Variants in DLEU7 observed in about 807,000 individuals in gnomAD.
The protein encoded by DLEU7 is deleted in lymphocytic leukemia 7.
In DLEU7, 17 loss-of-function variants were observed where a neutral mutation model predicts 16.0. The observed-to-expected ratio is 1.06, with a 90% CI of 0.73 to 1.59. The LOEUF (loss-of-function observed/expected upper bound fraction) is 1.59, where lower values mean the gene tolerates loss of function less well. Among genes scored for constraint, DLEU7 ranks in the 40% most tolerant of loss-of-function variants. The pLI is 0.00. For missense variants in DLEU7, 308 were observed against 314.9 expected (o/e 0.98, Z 0.17); for synonymous variants, 113 against 139.8 (o/e 0.81, Z 1.35).
intron 1 of DLEU7, among the ~76,000 whole-genome samples, chr13:50,743,996 G>A (rs1357919616): frequency 2.0e-5 from 3 of 152,126 alleles, no homozygotes; most frequent in Non-Finnish European, 4.4e-5. Flanking sequence ...TCATTTGCCA[G>A]CTGTACCCTA....
At chr13:50,740,224 T>C (rs1874214869) in intron 1 of DLEU7, among the ~76,000 whole-genome samples, 1 of 152,184 alleles carries the variant, frequency 6.6e-6, no homozygotes, top group Admixed American at 6.5e-5. Flanking sequence ...GGATGAAAAC[T>C]GAAACGGTAT....
intron 1 of DLEU7, among the ~76,000 whole-genome samples, chr13:50,764,082 C>G (rs1875028118): frequency 6.6e-6 from 1 of 152,208 alleles, no homozygotes; most frequent in South Asian, 2.1e-4. Context: ...GGGCTTTGGA[C>G]TTGGCCAGAC....
rs990289710 is a variant in DLEU7 at position 50,792,850 on chromosome 13, A to G, written c.459+50338T>C. The stretch of plus-strand genomic sequence containing the variant: ...TCTTCTGGTTTTTGGGTTTTCTTGC[A>G]TTCTTTGCTCCTCTTTTTTTTTTTT... On this transcript the variant is annotated intron_variant, in intron 1 of 1. Coordinates refer to the DLEU7 transcript ENST00000400393. Among the ~76,000 whole-genome samples the G allele has an allele frequency of 1.3e-3, 188 of 144,348 alleles. 1 individual carries two copies. Among genetic ancestry groups the G allele is most frequent in the Admixed American group, 3.6e-3 (52 of 14,532 alleles). 94.7% of individuals were successfully genotyped at this position (144,348 alleles called of 152,430 possible). A position where few individuals can be genotyped will look rare whatever the true frequency, so the allele number is the denominator to read the frequency against.
chr13:50,760,704 C>T (rs1227067149), intron 1 of DLEU7, among the ~76,000 whole-genome samples: 1 of 152,112 alleles, frequency 6.6e-6, no homozygotes, highest in Non-Finnish European at 1.5e-5. Flanking sequence ...TAAGTATTTA[C>T]TGAAAATTTA....
At chr13:50,732,859 G>A (rs1353068335) in intron 1 of DLEU7, among the ~76,000 whole-genome samples, 1 of 152,090 alleles carries the variant, frequency 6.6e-6, no homozygotes, top group African/African-American at 2.4e-5. Flanking sequence ...TTATGTAAGG[G>A]CCTCTTTCTC....
intron 1 of DLEU7, among the ~76,000 whole-genome samples, chr13:50,836,465 G>A (rs976780338): frequency 2.0e-5 from 3 of 152,072 alleles, no homozygotes; most frequent in African/African-American, 7.2e-5. Flanking sequence ...ACGAGGTCAG[G>A]AGATCGAGAC....
chr13:50,753,599 TG>T (rs1566239266), intron 1 of DLEU7, among the ~76,000 whole-genome samples: 2 of 151,522 alleles, frequency 1.3e-5, no homozygotes, highest in South Asian at 2.1e-4. Flanking sequence ...CCAGCTGCTC[TG>T]AGTGGAGTCC....
At chr13:50,723,415 T>TACACAC (rs35069706) in intron 1 of DLEU7, among the ~76,000 whole-genome samples, 2 of 148,268 alleles carry the variant, frequency 1.3e-5, no homozygotes, top group East Asian at 2.0e-4. Context: ...ACAATAATTG[T>TACACAC]ACACACACAC....
At chr13:50,763,272 A>G (rs1349871751) in intron 1 of DLEU7, among the ~76,000 whole-genome samples, 1 of 152,148 alleles carries the variant, frequency 6.6e-6, no homozygotes, top group African/African-American at 2.4e-5. Context: ...AGAGATTGGG[A>G]ACCACTAACA....
At chr13:50,770,586 A>T (rs1301101698) in intron 1 of DLEU7, among the ~76,000 whole-genome samples, 1 of 152,142 alleles carries the variant, frequency 6.6e-6, no homozygotes, top group Non-Finnish European at 1.5e-5. Context: ...ATTGATTTGC[A>T]TATGTTAAAC....
chr13:50,767,455 C>CAAAA (rs35091007), intron 1 of DLEU7, among the ~76,000 whole-genome samples: 2 of 64,508 alleles, frequency 3.1e-5, no homozygotes, highest in Admixed American at 1.9e-4. Context: ...GACTCCGTCT[C>CAAAA]AAAAAAAAAA....
intron 1 of DLEU7, among the ~76,000 whole-genome samples, chr13:50,831,440 A>G (rs528555129): frequency 6.6e-6 from 1 of 152,262 alleles, no homozygotes; most frequent in African/African-American, 2.4e-5. Context: ...AGGCCCCTGT[A>G]ACCAAAATAA....
At chr13:50,717,885 C>T (rs1873484456) in intron 1 of DLEU7, among the ~76,000 whole-genome samples, 1 of 152,078 alleles carries the variant, frequency 6.6e-6, no homozygotes, top group Non-Finnish European at 1.5e-5. Flanking sequence ...GAAAATGGAA[C>T]AAAAACTCAA....
rs553293414 is a variant in DLEU7 at position 50,799,394 on chromosome 13, A to G, written c.459+43794T>C. ...TTTCACGGGTTTGTGCTATTTGCTG[A>G]TCCTGTTCTCTATTCCACTTTGGTC... On this transcript the variant is annotated intron_variant, in intron 1 of 1. Coordinates refer to the DLEU7 transcript ENST00000400393. Among the ~76,000 whole-genome samples the G allele has an allele frequency of 3.0e-4, 46 of 152,180 alleles. No individual in the cohort carries two copies. In the South Asian group the frequency reaches 9.5e-3, roughly 32 times the overall value.
chr13:50,744,265 C>T (rs556026226), intron 1 of DLEU7, among the ~76,000 whole-genome samples: 25 of 152,314 alleles, frequency 1.6e-4, no homozygotes, highest in African/African-American at 5.3e-4. Flanking sequence ...ATCCCAACCT[C>T]TTAACTTGAT....
At chr13:50,841,824 T>A (rs745721748) in intron 1 of DLEU7, among the ~76,000 whole-genome samples, 18 of 152,012 alleles carry the variant, frequency 1.2e-4, no homozygotes, top group Non-Finnish European at 2.4e-4. Flanking sequence ...TTAAAAAAAA[T>A]TTTGGTGATA....
intron 1 of DLEU7, among the ~76,000 whole-genome samples, chr13:50,740,131 A>G (rs1874210705): frequency 6.6e-6 from 1 of 152,176 alleles, no homozygotes; most frequent in Non-Finnish European, 1.5e-5. Flanking sequence ...AAAGGTGCTT[A>G]CACATTTTTT....
At chr13:50,802,358 T>G (rs1418128658) in intron 1 of DLEU7, among the ~76,000 whole-genome samples, 1 of 152,010 alleles carries the variant, frequency 6.6e-6, no homozygotes, top group Admixed American at 6.6e-5. Flanking sequence ...CTAAACAGAG[T>G]AGGTCAGAAA....
chr13:50,773,479 T>A (rs1875391959), intron 1 of DLEU7, among the ~76,000 whole-genome samples: 1 of 152,202 alleles, frequency 6.6e-6, no homozygotes. Context: ...TTGTTGATGT[T>A]GACGCTATTC....
Sources: allele counts gnomAD v4.1 joint callset (sites outside exome capture counted in the v4.1 genomes callset), GRCh38; gene constraint gnomAD v4.1.1; transcripts MANE v1.5; gene names NCBI Gene and HGNC (gene_info 2026-07-23, HGNC 2026-07-21).